Variants in MYO1B observed in about 807,000 individuals in gnomAD.
MYO1B encodes unconventional myosin-Ib.
MYO1B carries 72 observed loss-of-function variants against 159.7 expected under a neutral mutation model. The observed-to-expected ratio is 0.45, with a 90% CI of 0.37 to 0.55. MYO1B has a LOEUF of 0.55. MYO1B is among the 20% of genes least tolerant of loss of function. MYO1B has a pLI of 0.00. For missense variants in MYO1B, 1,062 were observed against 1,364.8 expected (o/e 0.78, Z 3.50); for synonymous variants, 468 against 473.8 (o/e 0.99, Z 0.16).
intron 17 of MYO1B, among the ~76,000 whole-genome samples, chr2:191,389,169 A>C (rs888368211): frequency 2.0e-5 from 3 of 152,234 alleles, no homozygotes; most frequent in Non-Finnish European, 4.4e-5. Context: ...TATTTAAGCC[A>C]AAGAGTAGAC....
At chr2:191,350,046 T>C in intron 6 of MYO1B, 116 bp from the exon 7 acceptor site, 1 of 760,436 alleles carries the variant, frequency 1.3e-6, no homozygotes, top group Non-Finnish European at 2.2e-6. Flanking sequence ...GTGTCTTTCT[T>C]AGTTACATTT....
intron 1 of MYO1B, among the ~76,000 whole-genome samples, chr2:191,253,203 CTG>C (rs778476452): frequency 1.3e-5 from 2 of 152,200 alleles, no homozygotes; most frequent in Non-Finnish European, 2.9e-5. Flanking sequence ...TCATTTGTGA[CTG>C]TGTACTGTGA....
At chr2:191,248,877 A>G (rs1272093293) in intron 1 of MYO1B, among the ~76,000 whole-genome samples, 1 of 152,300 alleles carries the variant, frequency 6.6e-6, no homozygotes, top group South Asian at 2.1e-4. Flanking sequence ...TTTCACGTCT[A>G]TTATTGTAGT....
chr2:191,418,204 C>T (rs993790665), intron 30 of MYO1B, among the ~76,000 whole-genome samples: 1 of 152,158 alleles, frequency 6.6e-6, no homozygotes, highest in Non-Finnish European at 1.5e-5. Context: ...AGGTAAGGAT[C>T]GTAAATCTCC....
intron 1 of MYO1B, among the ~76,000 whole-genome samples, chr2:191,274,867 C>T (rs1024333454): frequency 2.0e-5 from 3 of 151,790 alleles, no homozygotes; most frequent in Admixed American, 6.6e-5. Context: ...TTCTTTGGGC[C>T]GACGTTGTTG....
chr2:191,337,098 A>G (rs1274605899), intron 4 of MYO1B, among the ~76,000 whole-genome samples: 16 of 152,228 alleles, frequency 1.1e-4, no homozygotes, highest in East Asian at 3.9e-4. Flanking sequence ...TTTTCCCCCA[A>G]TGCAGTGATT....
chr2:191,410,543 T>C (rs909231940), intron 26 of MYO1B, among the ~76,000 whole-genome samples: 1 of 152,228 alleles, frequency 6.6e-6, no homozygotes, highest in African/African-American at 2.4e-5. Flanking sequence ...CATAGCATAT[T>C]TGTGGTCATG....
At chr2:191,362,914 G>A (rs1406736624) in intron 9 of MYO1B, among the ~76,000 whole-genome samples, 1 of 152,156 alleles carries the variant, frequency 6.6e-6, no homozygotes, top group Admixed American at 6.5e-5. Flanking sequence ...CTGTGGTGAT[G>A]GGGAAAGGGG....
intron 3 of MYO1B, among the ~76,000 whole-genome samples, chr2:191,301,418 C>A (rs1689324145): frequency 9.3e-6 from 1 of 107,538 alleles, no homozygotes; most frequent in South Asian, 2.8e-4. Flanking sequence ...AATCCAAAAT[C>A]TTAAATGATC....
At chr2:191,344,101 A>T (rs901878511) in intron 5 of MYO1B, among the ~76,000 whole-genome samples, 2 of 152,198 alleles carry the variant, frequency 1.3e-5, no homozygotes, top group Non-Finnish European at 1.5e-5. Flanking sequence ...TTCAAGCCAC[A>T]ATAAACTGTC....
intron 3 of MYO1B, among the ~76,000 whole-genome samples, chr2:191,316,661 G>A (rs983064072): frequency 2.0e-5 from 3 of 152,116 alleles, no homozygotes; most frequent in East Asian, 3.8e-4. Context: ...AAAATCTTTG[G>A]AGACATGTGC....
chr2:191,402,483 T>G, intron 23 of MYO1B, 149 bp from the exon 24 acceptor site: 1 of 681,784 alleles, frequency 1.5e-6, no homozygotes, highest in Non-Finnish European at 2.6e-6. Context: ...CACCAATTCT[T>G]TGGGTTTAAA....
At chr2:191,420,272 G>A (rs1336622120) in intron 30 of MYO1B, among the ~76,000 whole-genome samples, 2 of 152,118 alleles carry the variant, frequency 1.3e-5, no homozygotes, top group African/African-American at 4.8e-5. Flanking sequence ...GTTACAGTAA[G>A]CAAAGGTTAA....
chr2:191,307,637 A>G (rs964700926), intron 3 of MYO1B, among the ~76,000 whole-genome samples: 1 of 152,116 alleles, frequency 6.6e-6, no homozygotes, highest in Non-Finnish European at 1.5e-5. Context: ...CACAGACCAC[A>G]CAGGTCAAAG....
intron 30 of MYO1B, among the ~76,000 whole-genome samples, chr2:191,423,154 G>A (rs988145727): frequency 3.3e-5 from 5 of 152,142 alleles, no homozygotes; most frequent in African/African-American, 1.2e-4. Flanking sequence ...GTGTCACTAG[G>A]TGATTTTGTG....
chr2:191,417,994 T>G (rs1423708459), intron 30 of MYO1B, among the ~76,000 whole-genome samples: 6 of 152,236 alleles, frequency 3.9e-5, no homozygotes, highest in Non-Finnish European at 8.8e-5. Flanking sequence ...CCATAAGCTT[T>G]CAGTAAACAG....
At chr2:191,269,754 G>A (rs922382815) in intron 1 of MYO1B, among the ~76,000 whole-genome samples, 2 of 152,184 alleles carry the variant, frequency 1.3e-5, no homozygotes, top group Non-Finnish European at 2.9e-5. Context: ...AAGCTCTTGA[G>A]GGGAAGGGAT....
chr2:191,371,524 G>A (rs933755300), intron 13 of MYO1B, among the ~76,000 whole-genome samples: 8 of 152,240 alleles, frequency 5.3e-5, no homozygotes, highest in Admixed American at 4.6e-4. Context: ...CCATTTTACA[G>A]ATGAGAAAGT....
intron 3 of MYO1B, among the ~76,000 whole-genome samples, chr2:191,329,681 AAAAT>A (rs1431098802): frequency 1.3e-5 from 2 of 148,984 alleles, no homozygotes; most frequent in Admixed American, 6.7e-5. Flanking sequence ...TATTATATAA[AAAAT>A]AAAGCATATC....
Sources: gnomAD v4.1 joint callset for allele counts (sites outside exome capture counted in the v4.1 genomes callset) on GRCh38, gnomAD v4.1.1 for gene constraint, MANE v1.5 for transcripts, NCBI Gene and HGNC (gene_info 2026-07-23, HGNC 2026-07-21) for gene names.